Variants in ZFAND3 observed in about 807,000 individuals in gnomAD.
ZFAND3 encodes the protein AN1-type zinc finger protein 3.
Under a neutral mutation model 29.6 loss-of-function variants are expected in ZFAND3, and 10 were observed. That is an observed-to-expected ratio of 0.34 (90% CI 0.21 to 0.57). The LOEUF is 0.57. Among genes scored for constraint, ZFAND3 ranks in the 20% least tolerant of loss-of-function variants. The pLI is 0.86. For synonymous variants in ZFAND3, 128 were observed against 112.6 expected (o/e 1.14, Z -0.87); for missense variants, 230 against 304.5 (o/e 0.76, Z 1.82).
chr6:38,001,353 A>C (rs1404281260), intron 2 of ZFAND3, among the ~76,000 whole-genome samples: 1 of 152,180 alleles, frequency 6.6e-6, no homozygotes, highest in Non-Finnish European at 1.5e-5. Flanking sequence ...TGGAAGGCAC[A>C]AGGTGCTCCT....
intron 1 of ZFAND3, among the ~76,000 whole-genome samples, chr6:37,840,342 G>T (rs561263710): frequency 6.6e-6 from 1 of 151,948 alleles, no homozygotes; most frequent in Non-Finnish European, 1.5e-5. Context: ...CAAGCAATCC[G>T]CCTGCTTCAG....
intron 1 of ZFAND3, among the ~76,000 whole-genome samples, chr6:37,820,612 C>A (rs776421477): frequency 1.3e-5 from 2 of 152,166 alleles, no homozygotes; most frequent in Non-Finnish European, 2.9e-5. Flanking sequence ...GTCTCACCTT[C>A]ATGTAAAACA....
intron 1 of ZFAND3, among the ~76,000 whole-genome samples, chr6:37,919,075 T>C (rs978657572): frequency 3.3e-5 from 5 of 149,950 alleles, no homozygotes; most frequent in African/African-American, 1.2e-4. Context: ...TGCCTCAGCC[T>C]CCCGAGTAGC....
chr6:37,845,450 TA>T (rs1461220677), intron 1 of ZFAND3, among the ~76,000 whole-genome samples: 4 of 152,178 alleles, frequency 2.6e-5, no homozygotes, highest in Admixed American at 6.5e-5. Context: ...GAAATTTGGT[TA>T]GGGGAAAGGT....
intron 2 of ZFAND3, among the ~76,000 whole-genome samples, chr6:37,930,504 G>T (rs1480720931): frequency 6.6e-6 from 1 of 152,090 alleles, no homozygotes; most frequent in East Asian, 1.9e-4. Flanking sequence ...AGACCAGCCT[G>T]GGCAACATAG....
intron 2 of ZFAND3, among the ~76,000 whole-genome samples, chr6:37,957,014 A>G (rs941321633): frequency 2.0e-5 from 3 of 152,162 alleles, no homozygotes; most frequent in Non-Finnish European, 4.4e-5. Flanking sequence ...GATATTGTGA[A>G]AAAAAATGTA....
intron 5 of ZFAND3, among the ~76,000 whole-genome samples, chr6:38,121,674 C>T (rs1440368792): frequency 1.3e-5 from 2 of 152,162 alleles, no homozygotes; most frequent in Non-Finnish European, 2.9e-5. Flanking sequence ...TAGATTCAGG[C>T]TACGAATTCT....
intron 4 of ZFAND3, among the ~76,000 whole-genome samples, chr6:38,106,859 C>T (rs1404286783): frequency 2.6e-5 from 4 of 152,096 alleles, no homozygotes; most frequent in African/African-American, 9.7e-5. Flanking sequence ...TGTCATGGCC[C>T]TGGACAGAGT....
At chr6:38,138,704 G>A (rs891555150) in intron 5 of ZFAND3, among the ~76,000 whole-genome samples, 5 of 152,216 alleles carry the variant, frequency 3.3e-5, no homozygotes, top group Admixed American at 6.5e-5. Context: ...GAAAAGAGAG[G>A]AATCAAGAAT....
chr6:38,047,970 T>C (rs1005695236), intron 2 of ZFAND3, among the ~76,000 whole-genome samples: 3 of 132,006 alleles, frequency 2.3e-5, no homozygotes, highest in African/African-American at 7.9e-5. Context: ...TTGGGTTTTT[T>C]TTGTTTTTTT....
At chr6:38,122,233 T>C (rs116355246) in intron 5 of ZFAND3, among the ~76,000 whole-genome samples, 130 of 152,320 alleles carry the variant, frequency 8.5e-4, no homozygotes, top group African/African-American at 2.9e-3. Flanking sequence ...TGGTGTAGCA[T>C]TGCACATAAC....
chr6:37,985,517 A>C (rs1019962393), intron 2 of ZFAND3, among the ~76,000 whole-genome samples: 20 of 148,486 alleles, frequency 1.3e-4, no homozygotes, highest in African/African-American at 4.8e-4. Flanking sequence ...ACACACACAC[A>C]CACACACACA....
At chr6:37,947,629 C>T (rs1485418555) in intron 2 of ZFAND3, among the ~76,000 whole-genome samples, 1 of 152,166 alleles carries the variant, frequency 6.6e-6, no homozygotes. Context: ...TAAGAGGAAA[C>T]AATGACTCTG....
rs187151749 is a variant in ZFAND3 at position 37,846,238 on chromosome 6, A to G, written c.71+26222A>G. Among the ~76,000 whole-genome samples the G allele has an allele frequency of 1.7e-4, 26 of 152,326 alleles. No individual in the cohort carries two copies. In the East Asian group the frequency reaches 4.2e-3, roughly 25 times the overall value. On this transcript the variant is annotated intron_variant, in intron 1 of 5. Coordinates refer to ENST00000287218, the MANE Select transcript of ZFAND3 (RefSeq NM_021943.3). ...ATTATGCTTTGCTTAAATGTATTCA[A>G]TGAAATATACTTCTAGGTGCACAAT...
chr6:37,881,902 G>A (rs1055870650), intron 1 of ZFAND3, among the ~76,000 whole-genome samples: 2 of 151,988 alleles, frequency 1.3e-5, no homozygotes, highest in African/African-American at 2.4e-5. Context: ...GAAGTACAAC[G>A]AATTCAAAAA....
At chr6:38,138,893 G>A (rs1174690885) in intron 5 of ZFAND3, among the ~76,000 whole-genome samples, 1 of 152,184 alleles carries the variant, frequency 6.6e-6, no homozygotes, top group East Asian at 1.9e-4. Flanking sequence ...TAGGCCATTG[G>A]ATATCGGGAT....
chr6:38,086,473 CA>C (rs1473588134), intron 4 of ZFAND3, among the ~76,000 whole-genome samples: 3 of 152,212 alleles, frequency 2.0e-5, no homozygotes, highest in African/African-American at 7.2e-5. Context: ...ATCATACCTT[CA>C]GATTACTAGA....
rs144657374 is a variant in ZFAND3, at chr6:37,898,574, A to G, written c.72-31385A>G. On this transcript the variant is annotated intron_variant, in intron 1 of 5. Coordinates refer to ENST00000287218, the MANE Select transcript of ZFAND3 (RefSeq NM_021943.3). ...TGTGGTTTTGATTGAAATTCTATTG[A>G]ATCTAAGCATAGTATATATATTTCC... is the stretch of plus-strand genomic sequence containing the variant. Among the ~76,000 whole-genome samples, 254 of 152,312 alleles carry G rather than the reference A, an allele frequency of 1.7e-3. 2 individuals are homozygous for G. The highest frequency in any genetic ancestry group is 0.013 in the Admixed American group (201 of 15,298).
At chr6:38,028,313 A>G (rs11757323) in intron 2 of ZFAND3, among the ~76,000 whole-genome samples, 12,984 of 152,268 alleles carry the variant, frequency 0.085, 745 homozygotes, top group East Asian at 0.29. Context: ...AGTAGGGTTT[A>G]TAGGACCTAT....
Sources: gnomAD v4.1 joint callset for allele counts (sites outside exome capture counted in the v4.1 genomes callset) on GRCh38, gnomAD v4.1.1 for gene constraint, MANE v1.5 for transcripts, NCBI Gene and HGNC (gene_info 2026-07-23, HGNC 2026-07-21) for gene names.